TRPM4: variants seen among roughly 807,000 people sequenced by gnomAD.
The protein encoded by TRPM4 is calcium-activated non-selective cation channel 1.
A neutral mutation model predicts 135.6 loss-of-function variants in TRPM4; 124 were observed. The ratio of observed to expected loss-of-function variants is 0.91; its 90% confidence interval spans 0.79 to 1.06. The LOEUF is 1.06. Among genes scored for constraint, TRPM4 ranks in the 50% least tolerant of loss-of-function variants. TRPM4 has a pLI of 0.00. For synonymous variants in TRPM4, 745 were observed against 705.6 expected, an observed-to-expected ratio of 1.06 and a Z score of -0.88; for missense variants, 1,658 against 1,671.4, an observed-to-expected ratio of 0.99 and a Z score of 0.14.
Position 49,197,336 on chromosome 19 carries a change from CTTTCTTTCTTTCTTTCTTTCTTTCTT to C in TRPM4, c.2645+464_2645+489del, listed in dbSNP as rs1457335504. ...TCTTTCTTTCTTTCTTTCTTTCTTTCTTTCTTTCTTTCTTTCTTTCTTTCTTTCTCTCTCTTTCTTTTCTTTCTTTC... is the reference window on the plus strand; with the variant it reads ...TCTTTCTTTCTTTCTTTCTTTCTTTCTCTCTCTCTTTCTTTTCTTTCTTTC... On this transcript the variant is annotated intron_variant, in intron 17 of 24. Transcript: ENST00000252826. 1.4e-3 allele frequency among the ~76,000 whole-genome samples: 165 copies of C among 120,658 alleles called. 1 individual carries two copies. The highest frequency in any genetic ancestry group is 6.8e-3 in the African/African-American group (159 of 23,526). 79.2% of individuals were successfully genotyped at this position (120,658 alleles called of 152,430 possible).
At chr19:49,161,090 G>A (rs749563806) in intron 2 of TRPM4, among the ~76,000 whole-genome samples, 2 of 152,026 alleles carry the variant, frequency 1.3e-5, no homozygotes, top group Admixed American at 6.6e-5. Context: ...TAGGGGGACC[G>A]AGGGGCATGT....
chr19:49,171,689 G>C lies in TRPM4; in HGVS notation c.970G>C (p.Gly324Arg), dbSNP rs548064960. The C allele has an allele frequency of 6.2e-7, 1 of 1,613,888 alleles. No individual in the cohort carries two copies. Among genetic ancestry groups the C allele is most frequent in the Non-Finnish European group, 8.5e-7 (1 of 1,180,026 alleles). ...TLEDTLAPGS[G>R]GARQGEARDR... ...GGAAGACACTCTGGCCCCAGGGAGT[G>C]GGGGAGCCAGGCAAGGCGAAGCCCG... is the stretch of plus-strand genomic sequence containing the variant. The change falls in exon 8 of 25, where the codon GGG becomes CGG. Residue 324 changes from glycine to arginine, a missense_variant. Physicochemically the swap from Gly to Arg is moderately radical, Grantham distance 125. Around this residue, in one of 3 missense-constraint regions of TRPM4, gnomAD observed 1,412 missense variants for 1,408.7 expected, o/e 1.00. Transcript: ENST00000252826. This position sits in a 1 kb window ranked among gnomAD's most constrained non-coding sequence, Gnocchi z 4.7.
intron 17 of TRPM4, among the ~76,000 whole-genome samples, chr19:49,197,473 C>CTCCTTCCTTCCT (rs59760626): frequency 0.094 from 10,830 of 114,734 alleles, 687 homozygotes; most frequent in Admixed American, 0.1. Context: ...GCCTCCCTCC[C>CTCCTTCCTTCCT]TCCTTCCTTC....
intron 1 of TRPM4, 134 bp downstream of exon 1, chr19:49,158,024 GTCC>G (rs1160736215): frequency 7.7e-7 from 1 of 1,299,810 alleles, no homozygotes; most frequent in Non-Finnish European, 1.1e-6. Flanking sequence ...AGGTTCCAGG[GTCC>G]AGGGCATGGG....
At chr19:49,167,468 CA>C (rs1568458104) in intron 3 of TRPM4, among the ~76,000 whole-genome samples, 57 of 82,404 alleles carry the variant, frequency 6.9e-4, no homozygotes, top group Non-Finnish European at 9.3e-4. Flanking sequence ...TCTCTGTCGC[CA>C]TCTCTCTGGG....
chr19:49,169,872 A>G (rs1967387536), intron 6 of TRPM4, among the ~76,000 whole-genome samples: 2 of 152,110 alleles, frequency 1.3e-5, no homozygotes, highest in South Asian at 4.1e-4. Context: ...AATATCTTAT[A>G]ATTTTATCAA....
chr19:49,196,612 C>T lies in TRPM4; in HGVS notation c.2383C>T (p.Leu795=). 6.4e-7 allele frequency: 1 copy of T among 1,554,702 alleles called. No individual in the cohort carries two copies. The highest frequency in any genetic ancestry group is 1.2e-5 in the South Asian group (1 of 84,812). The change falls in exon 17 of 25, where the codon CTG becomes TTG. Residue 795 remains leucine (L), a synonymous_variant. Transcript: ENST00000252826. ...CGTGGTCAGCTACCTGCTGTTCCTG[C>T]TGCTTTTCTCGCGGGTGCTGCTCGT... ...GNVVSYLLFL[L]LFSRVLLVDF... is the part of the protein sequence containing the mutation.
chr19:49,168,234 C>G, intron 4 of TRPM4, 26 bp from the exon 5 acceptor site: 1 of 1,614,056 alleles, frequency 6.2e-7, no homozygotes, highest in Admixed American at 1.7e-5. Flanking sequence ...CCCCCTGCCT[C>G]TGCATGTTCC....
rs751825185 is a variant in TRPM4, at chr19:49,182,883, C to T, written c.1569C>T (p.Gly523=). 8 of 1,601,614 alleles carry T rather than the reference C, an allele frequency of 5.0e-6. No individual in the cohort carries two copies. The Admixed American group carries it at 5.1e-5, about 10-fold the overall frequency. The change falls in exon 11 of 25, where the codon GGC becomes GGT. Residue 523 remains glycine, a synonymous_variant. Coordinates refer to ENST00000252826, the MANE Select transcript of TRPM4 (RefSeq NM_017636.4). ...GCGCGCCGAGGTACCCCTCCGGGGG[C>T]GCCTGGGACCCTCACCCAGGCCAGG... ...KMCAPRYPSG[G]AWDPHPGQGF...
rs765694592 is a variant in TRPM4 at position 49,171,447 on chromosome 19, G to C, written c.858+29G>C. 2 of 1,613,898 alleles carry C rather than the reference G, an allele frequency of 1.2e-6. No homozygotes were observed. The highest frequency in any genetic ancestry group is 1.7e-6 in the Non-Finnish European group (2 of 1,179,864). ...TAGGGGCCCGGATGCCCGGATCTAA[G>C]GGGGAAGGAGGGTTGGGGGCCAGGA... On this transcript the variant is annotated intron_variant, in intron 7 of 24. Coordinates refer to ENST00000252826, the MANE Select transcript of TRPM4 (RefSeq NM_017636.4). This position sits in a 1 kb window ranked among gnomAD's most constrained non-coding sequence, Gnocchi z 4.7.
intron 20 of TRPM4, among the ~76,000 whole-genome samples, chr19:49,203,422 G>C (rs138292981): frequency 2.0e-5 from 3 of 150,392 alleles, no homozygotes; most frequent in East Asian, 3.9e-4. Context: ...CTTGTGATCC[G>C]CCCGCCTTGG....
intron 17 of TRPM4, among the ~76,000 whole-genome samples, chr19:49,198,197 C>T (rs1390670825): frequency 1.3e-5 from 2 of 152,146 alleles, no homozygotes; most frequent in Non-Finnish European, 2.9e-5. Context: ...AACACTAATA[C>T]TTCTGTTTGT....
In TRPM4 at chr19:49,167,678, C is replaced by T. The variant is rs1229840335; in HGVS notation, c.268-239C>T. On this transcript the variant is annotated intron_variant, in intron 3 of 24. Transcript: ENST00000252826. ...GTCTCTGTCCCATGTCTCTGGGTCT[C>T]TGTCCCTCTCTCTCTGGGTCTCTGT... The T allele has an allele frequency of 9.4e-5, 29 of 308,092 alleles. 1 individual carries two copies. Among genetic ancestry groups the T allele is most frequent in the South Asian group, 3.2e-4 (8 of 24,696 alleles). The allele number at this position is 308,092 out of a possible 1,614,324, so 19.1% of individuals were successfully genotyped here.
chr19:49,168,613 C>T lies in TRPM4; in HGVS notation c.673C>T (p.Leu225=). Residue 225 remains leucine, a synonymous_variant, in exon 6 of 25, where the codon CTG becomes TTG. Coordinates refer to ENST00000252826, the MANE Select transcript of TRPM4 (RefSeq NM_017636.4). ...CCCGGAGGACGGGGTCCAGTTTCCC[C>T]TGGACTACAACTACTCGGCCTTCTT... ...GDPEDGVQFP[L]DYNYSAFFLV... 1 of 1,613,774 alleles carries T rather than the reference C, an allele frequency of 6.2e-7. No individual in the cohort carries two copies. Among genetic ancestry groups the T allele is most frequent in the Non-Finnish European group, 8.5e-7 (1 of 1,180,002 alleles).
At position 49,210,937 on chromosome 19, in the gene TRPM4, AGGAG is replaced by A; in HGVS notation, c.3462-76_3462-73del. On this transcript the variant is annotated intron_variant, in intron 22 of 24. Transcript: ENST00000252826. This position sits in a 1 kb window ranked among gnomAD's most constrained non-coding sequence, Gnocchi z 4.1. ...GGTCCTGGGAGGGAGGGAGAGAGGGAGGAGGCCCGGGAAGCAGGCAGAGCCCTGG... is the reference window on the plus strand; with the variant it reads ...GGTCCTGGGAGGGAGGGAGAGAGGGAGCCCGGGAAGCAGGCAGAGCCCTGG... The A allele has an allele frequency of 1.7e-6, 2 of 1,188,282 alleles. No individual in the cohort carries two copies. Among genetic ancestry groups the A allele is most frequent in the Non-Finnish European group, 2.2e-6 (2 of 918,270 alleles). The allele number at this position is 1,188,282 out of a possible 1,614,324, so 73.6% of individuals were successfully genotyped here. A position where few individuals can be genotyped will look rare whatever the true frequency, so the allele number is the denominator to read the frequency against.
At position 49,158,202 on chromosome 19, in the gene TRPM4, C is replaced by G. The variant is rs760102851; in HGVS notation, c.35C>G (p.Pro12Arg). Residue 12 changes from proline (P) to arginine (R), a missense_variant, in exon 2 of 25, where the codon CCC becomes CGC. Physicochemically the swap from Pro to Arg is moderately radical, Grantham distance 103. Around this residue, in one of 3 missense-constraint regions of TRPM4, gnomAD observed 239 missense variants for 240.1 expected, o/e 1.00. Transcript: ENST00000252826. ...VVPEKEQSWI[P>R]KIFKKKTCTT... The stretch of plus-strand genomic sequence containing the variant: ...TGTTCCTGTCCCCAGAGCTGGATCC[C>G]CAAGATCTTCAAGAAGAAGACCTGC... The G allele has an allele frequency of 9.3e-6, 15 of 1,613,720 alleles. No individual in the cohort carries two copies. In the South Asian group the frequency reaches 1.6e-4, roughly 18 times the overall value.
rs145744322 is a variant in TRPM4 at position 49,185,836 on chromosome 19, C to T, written c.1743+2624C>T. On this transcript the variant is annotated intron_variant, in intron 12 of 24. Transcript: ENST00000252826. ...TGCAATCTCGGCTCACTGCAAGCTCCACCTCCCAGGTTTAAGTGATTCTCC... is the reference window on the plus strand; with the variant it reads ...TGCAATCTCGGCTCACTGCAAGCTCTACCTCCCAGGTTTAAGTGATTCTCC... 2.0e-5 allele frequency among the ~76,000 whole-genome samples: 3 copies of T among 151,788 alleles called. No individual in the cohort carries two copies. The East Asian group carries it at 5.9e-4, about 30-fold the overall frequency.
chr19:49,168,480 G>C, intron 5 of TRPM4, 57 bp downstream of exon 5: 1 of 1,613,698 alleles, frequency 6.2e-7, no homozygotes, highest in East Asian at 2.2e-5. Context: ...GGGTCTGAGG[G>C]AGGAGGAGGG....
In TRPM4 at chr19:49,190,784, C is replaced by G. The variant is rs1175796; in HGVS notation, c.2210+11C>G. On this transcript the variant is annotated intron_variant, in intron 16 of 24. Transcript: ENST00000252826. ...GGAAGGGCCTGTCGGGTGAGTGGAGCCTCCAGCACTGTGTGAGGTGGGGAC... is the reference window on the plus strand; with the variant it reads ...GGAAGGGCCTGTCGGGTGAGTGGAGGCTCCAGCACTGTGTGAGGTGGGGAC... The G allele has an allele frequency of 9.7e-3, 15,678 of 1,613,504 alleles. 1,329 individuals carry two copies. The African/African-American group carries it at 0.19, about 19-fold the overall frequency.
Sources: gnomAD v4.1 joint callset for allele counts (sites outside exome capture counted in the v4.1 genomes callset) on GRCh38, gnomAD v4.1.1 for gene constraint, gnomAD v4.1.1 regional missense constraint, Gnocchi (gnomAD v3.1) non-coding constraint, MANE v1.5 for transcripts, NCBI Gene and HGNC (gene_info 2026-07-23, HGNC 2026-07-21) for gene names.